Variants in RIMS1 observed in about 807,000 individuals in gnomAD.
RIMS1 encodes regulating synaptic membrane exocytosis 1, also known as regulating synaptic membrane exocytosis protein 1.
Under a neutral mutation model 214.1 loss-of-function variants are expected in RIMS1, and 83 were observed. The ratio of observed to expected loss-of-function variants is 0.39; its 90% CI spans 0.32 to 0.47. The LOEUF (loss-of-function observed/expected upper bound fraction) is 0.47, where lower values mean the gene tolerates loss of function less well. RIMS1 is among the 20% of genes least tolerant of loss of function. The probability of loss-of-function intolerance (pLI) is 0.99; values close to 1 mark genes in which losing one functional copy is unlikely to be tolerated. For synonymous variants in RIMS1, 793 were observed against 786.8 expected (o/e 1.01, Z -0.13); for missense variants, 2,050 against 2,161.8 (o/e 0.95, Z 1.03).
chr6:72,302,276 T>C (rs2094694838), intron 26 of RIMS1, among the ~76,000 whole-genome samples: 1 of 151,610 alleles, frequency 6.6e-6, no homozygotes, highest in South Asian at 2.1e-4. Flanking sequence ...ATATAAACAA[T>C]TCCTATTTCT....
intron 2 of RIMS1, among the ~76,000 whole-genome samples, chr6:72,033,918 G>A (rs1462488168): frequency 6.6e-6 from 1 of 152,080 alleles, no homozygotes; most frequent in Non-Finnish European, 1.5e-5. Context: ...ATATTTTACT[G>A]CCCATAGCCT....
intron 2 of RIMS1, among the ~76,000 whole-genome samples, chr6:72,086,225 G>A (rs1393369728): frequency 6.6e-6 from 1 of 152,132 alleles, no homozygotes; most frequent in East Asian, 1.9e-4. Context: ...GACGACAAAG[G>A]CAAATGGTAG....
chr6:72,263,886 G>C, intron 19 of RIMS1: 1 of 363,778 alleles, frequency 2.7e-6, no homozygotes, highest in Non-Finnish European at 3.8e-6. Flanking sequence ...CCAGCTACTT[G>C]GGAGGCTGAG....
chr6:71,965,026 C>G (rs1794042313), intron 1 of RIMS1, among the ~76,000 whole-genome samples: 1 of 152,162 alleles, frequency 6.6e-6, no homozygotes, highest in Non-Finnish European at 1.5e-5. Context: ...ATTATCTTAA[C>G]TGCTCCTAAG....
chr6:72,258,846 T>G (rs1287548562), intron 17 of RIMS1, 140 bp from the exon 18 acceptor site: 1 of 793,402 alleles, frequency 1.3e-6, no homozygotes, highest in East Asian at 2.5e-5. Context: ...CTTAACTCAT[T>G]GATAAGTAGG....
At chr6:71,950,131 A>G (rs2151115189) in intron 1 of RIMS1, among the ~76,000 whole-genome samples, 1 of 152,310 alleles carries the variant, frequency 6.6e-6, no homozygotes, top group East Asian at 1.9e-4. Context: ...AGATTATTTC[A>G]TTTACTTGAC....
rs1011928383 is a variant in RIMS1, at chr6:72,287,255, A to G, written c.3554+3137A>G. Among the ~76,000 whole-genome samples the G allele has an allele frequency of 1.4e-4, 21 of 152,354 alleles. 1 individual carries two copies. Among genetic ancestry groups the G allele is most frequent in the South Asian group, 1.0e-3 (5 of 4,830 alleles). ...AGCCTGTGCAGGCCTGTAACGGACC[A>G]GCACAGTAGGAACCACTTTGAAAAT... On this transcript the variant is annotated intron_variant, in intron 24 of 33. Transcript: ENST00000521978.
chr6:72,164,967 A>G (rs1342196499), intron 4 of RIMS1, among the ~76,000 whole-genome samples: 1 of 152,214 alleles, frequency 6.6e-6, no homozygotes, highest in Non-Finnish European at 1.5e-5. Flanking sequence ...AAGGGCTTCA[A>G]TAAATGAATC....
chr6:72,096,210 A>G (rs767662323), intron 2 of RIMS1, among the ~76,000 whole-genome samples: 89 of 152,238 alleles, frequency 5.8e-4, no homozygotes, highest in Non-Finnish European at 1.2e-3. Flanking sequence ...CCTGGTTAAA[A>G]TAATGAAAAA....
chr6:72,383,250 C>T (rs1421983112), intron 29 of RIMS1, among the ~76,000 whole-genome samples: 1 of 152,158 alleles, frequency 6.6e-6, no homozygotes, highest in Non-Finnish European at 1.5e-5. Context: ...TATACCACAT[C>T]ACAATGAGAC....
At chr6:72,010,193 G>A (rs541866917) in intron 2 of RIMS1, among the ~76,000 whole-genome samples, 8 of 152,122 alleles carry the variant, frequency 5.3e-5, no homozygotes, top group East Asian at 1.9e-4. Flanking sequence ...ATCAATAAAC[G>A]TAATCCAGCA....
intron 29 of RIMS1, among the ~76,000 whole-genome samples, chr6:72,356,119 A>G (rs191278395): frequency 5.9e-5 from 9 of 152,290 alleles, no homozygotes; most frequent in Non-Finnish European, 1.3e-4. Flanking sequence ...TGACACAACA[A>G]TCTCTAAATT....
At chr6:72,215,423 G>A (rs1452879784) in intron 6 of RIMS1, among the ~76,000 whole-genome samples, 2 of 152,192 alleles carry the variant, frequency 1.3e-5, no homozygotes, top group Non-Finnish European at 2.9e-5. Flanking sequence ...CTATGGTGTA[G>A]TGAAAAGCTC....
At chr6:72,009,782 G>T (rs897447442) in intron 2 of RIMS1, among the ~76,000 whole-genome samples, 4 of 152,154 alleles carry the variant, frequency 2.6e-5, no homozygotes, top group African/African-American at 9.7e-5. Context: ...CCAGGAAGAA[G>T]TTGAATCTCT....
chr6:72,109,604 CT>C (rs1440793297), intron 4 of RIMS1, among the ~76,000 whole-genome samples: 1 of 151,552 alleles, frequency 6.6e-6, no homozygotes, highest in African/African-American at 2.4e-5. Context: ...GATATTAGCC[CT>C]TTGTCAGATG....
chr6:72,328,480 C>A (rs1419810754), intron 28 of RIMS1, among the ~76,000 whole-genome samples: 1 of 151,536 alleles, frequency 6.6e-6, no homozygotes, highest in Admixed American at 6.6e-5. Flanking sequence ...ATCTTATGTA[C>A]CCCATAAATA....
Position 72,313,512 on chromosome 6 carries a change from A to G in RIMS1, c.3970A>G (p.Ile1324Val), listed in dbSNP as rs1563928217. 2 of 1,612,752 alleles carry G rather than the reference A, an allele frequency of 1.2e-6. No individual in the cohort carries two copies. The highest frequency in any genetic ancestry group is 2.7e-5 in the African/African-American group (2 of 75,032). ...LDREQYSKYN[I>V]HKDQYRSCDN... ...TCTTGTTTTTAATCTTTAGTATAAC[A>G]TACATAAAGATCAGTACAGAAGCTG... Residue 1324 changes from isoleucine (I) to valine (V), a missense_variant, in exon 28 of 34, where the codon ATA becomes GTA. Ile to Val is a conservative substitution (Grantham distance 29). Transcript: ENST00000521978.
At chr6:72,054,961 G>A (rs1044412026) in intron 2 of RIMS1, among the ~76,000 whole-genome samples, 1 of 152,072 alleles carries the variant, frequency 6.6e-6, no homozygotes, top group African/African-American at 2.4e-5. Context: ...GGCTTTTGTT[G>A]CAATTGCTTT....
chr6:71,914,400 A>G (rs1777761913), intron 1 of RIMS1, among the ~76,000 whole-genome samples: 1 of 152,134 alleles, frequency 6.6e-6, no homozygotes, highest in African/African-American at 2.4e-5. Flanking sequence ...ACTTGGCCAT[A>G]GAGTTTAGAA....
Sources: allele counts gnomAD v4.1 joint callset (sites outside exome capture counted in the v4.1 genomes callset), GRCh38; gene constraint gnomAD v4.1.1; transcripts MANE v1.5; gene names NCBI Gene and HGNC (gene_info 2026-07-23, HGNC 2026-07-21).